Variants in EYA4 observed in about 807,000 individuals in gnomAD.
The protein encoded by EYA4 is protein phosphatase EYA4.
In EYA4, 31 loss-of-function variants were observed where a neutral mutation model predicts 87.9. That is an observed-to-expected ratio of 0.35 (90% CI 0.27 to 0.48). EYA4 has a LOEUF of 0.48. Among genes scored for constraint, EYA4 ranks in the 20% least tolerant of loss-of-function variants. The pLI, the probability that EYA4 is intolerant of heterozygous loss-of-function variation, is 0.99. For missense variants in EYA4, 678 were observed against 761.4 expected (o/e 0.89, Z 1.29); for synonymous variants, 263 against 270.6 (o/e 0.97, Z 0.28).
chr6:133,338,142 G>A (rs1769259005), intron 2 of EYA4, among the ~76,000 whole-genome samples: 1 of 152,074 alleles, frequency 6.6e-6, no homozygotes, highest in Admixed American at 6.6e-5. Context: ...CTTACTTTGT[G>A]GGCTTACCAT....
At chr6:133,410,164 A>C (rs1345923201) in intron 3 of EYA4, among the ~76,000 whole-genome samples, 2 of 152,182 alleles carry the variant, frequency 1.3e-5, no homozygotes, top group African/African-American at 2.4e-5. Context: ...AAGTGTTCTT[A>C]GTATCTATTG....
At chr6:133,417,730 GT>G (rs2128554473) in intron 3 of EYA4, among the ~76,000 whole-genome samples, 1 of 152,216 alleles carries the variant, frequency 6.6e-6, no homozygotes, top group African/African-American at 2.4e-5. Context: ...TTTAATCTTT[GT>G]AAAAACACTG....
At chr6:133,504,421 A>G (rs1007022139) in intron 13 of EYA4, among the ~76,000 whole-genome samples, 7 of 152,180 alleles carry the variant, frequency 4.6e-5, no homozygotes, top group Non-Finnish European at 8.8e-5. Flanking sequence ...AGAAATGAGA[A>G]TCTCTGCCTA....
At position 133,453,991 on chromosome 6, in the gene EYA4, C is replaced by G. The variant is rs887802713; in HGVS notation, c.278-2565C>G. On this transcript the variant is annotated intron_variant, in intron 5 of 19. Coordinates refer to ENST00000355286, the MANE Select transcript of EYA4 (RefSeq NM_004100.5). ...CCTTCTTCTTTCTCCTTTTGACCTC[C>G]CCAAACTTTCAAATTGAAGAGATTA... Among the ~76,000 whole-genome samples, 9 of 152,022 alleles carry G rather than the reference C, an allele frequency of 5.9e-5. No individual in the cohort carries two copies. The East Asian group carries it at 1.5e-3, about 26-fold the overall frequency.
chr6:133,355,929 A>G (rs1003194613), intron 2 of EYA4, among the ~76,000 whole-genome samples: 2 of 152,096 alleles, frequency 1.3e-5, no homozygotes, highest in African/African-American at 4.8e-5. Flanking sequence ...ATACAAATGC[A>G]TTTCTCACAG....
At position 133,383,540 on chromosome 6, in the gene EYA4, A is replaced by AAAC. The variant is rs1224324226; in HGVS notation, c.83+1101_83+1102insCAA. Among the ~76,000 whole-genome samples the AAAC allele has an allele frequency of 5.2e-4, 79 of 150,542 alleles. 2 individuals carry two copies. Among genetic ancestry groups the AAAC allele is most frequent in the African/African-American group, 1.8e-3 (74 of 40,942 alleles). On this transcript the variant is annotated intron_variant, in intron 3 of 19. Transcript: ENST00000355286. ...CTCAAAAAAAAAAAAAAAAAAAAAA[A>AAAC]AAAAATGTAATGGCCATTATGTTTT...
At chr6:133,389,269 C>T (rs1278681189) in intron 3 of EYA4, among the ~76,000 whole-genome samples, 2 of 152,134 alleles carry the variant, frequency 1.3e-5, no homozygotes, top group African/African-American at 2.4e-5. Context: ...GGAGTGGCTG[C>T]CAAACTCCTG....
At chr6:133,289,090 G>A (rs945028207) in intron 2 of EYA4, among the ~76,000 whole-genome samples, 3 of 152,166 alleles carry the variant, frequency 2.0e-5, no homozygotes, top group East Asian at 1.9e-4. Flanking sequence ...GCTTGCTTGT[G>A]TTTGATGACA....
At chr6:133,361,539 A>G (rs2128447002) in intron 2 of EYA4, among the ~76,000 whole-genome samples, 1 of 152,292 alleles carries the variant, frequency 6.6e-6, no homozygotes, top group Non-Finnish European at 1.5e-5. Context: ...CATCTGTGAA[A>G]TTGTGGCAGG....
chr6:133,343,683 C>G (rs1002312331), intron 2 of EYA4, among the ~76,000 whole-genome samples: 1 of 151,570 alleles, frequency 6.6e-6, no homozygotes, highest in Non-Finnish European at 1.5e-5. Context: ...AATAACACAC[C>G]ACATTACTAT....
At chr6:133,284,988 GT>G (rs397801019) in intron 2 of EYA4, among the ~76,000 whole-genome samples, 18 of 145,174 alleles carry the variant, frequency 1.2e-4, no homozygotes, top group Non-Finnish European at 1.4e-4. Flanking sequence ...GTGGTTTTTT[GT>G]TTTTTTTTTT....
intron 5 of EYA4, among the ~76,000 whole-genome samples, chr6:133,448,753 G>A (rs1156552594): frequency 6.6e-6 from 1 of 151,924 alleles, no homozygotes; most frequent in Non-Finnish European, 1.5e-5. Context: ...TTGAACTATG[G>A]ATATTAACTG....
At chr6:133,382,509 A>G in intron 3 of EYA4, 68 bp downstream of exon 3, 2 of 1,008,472 alleles carry the variant, frequency 2.0e-6, no homozygotes, top group Non-Finnish European at 3.2e-6. Context: ...GTAAGATGTT[A>G]TACCTGAGAC....
chr6:133,327,484 A>C (rs571257388), intron 2 of EYA4, among the ~76,000 whole-genome samples: 1 of 152,170 alleles, frequency 6.6e-6, no homozygotes, highest in Non-Finnish European at 1.5e-5. Flanking sequence ...GATAGTCAAA[A>C]TAAATTAAAG....
rs547640739 is a variant in EYA4 at position 133,289,633 on chromosome 6, T to A, written c.33+14820T>A. Among the ~76,000 whole-genome samples, 6 of 152,340 alleles carry A rather than the reference T, an allele frequency of 3.9e-5. No individual in the cohort carries two copies. In the East Asian group the frequency reaches 1.2e-3, roughly 29 times the overall value. On this transcript the variant is annotated intron_variant, in intron 2 of 19. Transcript: ENST00000355286. ...AACTATGTGGCCTGTTTTCCTTGGA[T>A]ATTAGCATCTCCAACAAATAGAAGA...
chr6:133,395,252 A>G (rs1029419547), intron 3 of EYA4, among the ~76,000 whole-genome samples: 1 of 150,030 alleles, frequency 6.7e-6, no homozygotes, highest in African/African-American at 2.4e-5. Context: ...TTTTTCTCCA[A>G]TCCAGGTCAG....
At chr6:133,312,354 C>T (rs1367366617) in intron 2 of EYA4, among the ~76,000 whole-genome samples, 2 of 150,754 alleles carry the variant, frequency 1.3e-5, no homozygotes, top group Non-Finnish European at 1.5e-5. Flanking sequence ...CTTGGTGGTA[C>T]TTGTGTGTGT....
chr6:133,460,374 C>T (rs1262067089), intron 6 of EYA4, among the ~76,000 whole-genome samples: 2 of 150,718 alleles, frequency 1.3e-5, no homozygotes, highest in South Asian at 4.1e-4. Context: ...GAGAAACTTC[C>T]AAGCTATTGG....
intron 1 of EYA4, among the ~76,000 whole-genome samples, chr6:133,260,637 G>A (rs62430278): frequency 1.3e-5 from 2 of 152,132 alleles, no homozygotes; most frequent in South Asian, 4.1e-4. Context: ...AAACCTCTAG[G>A]TCAGTCTTTA....
Sources: allele counts gnomAD v4.1 joint callset (sites outside exome capture counted in the v4.1 genomes callset), GRCh38; gene constraint gnomAD v4.1.1; transcripts MANE v1.5; gene names NCBI Gene and HGNC (gene_info 2026-07-23, HGNC 2026-07-21).